Variants in PRDM14 observed in about 807,000 individuals in gnomAD.
The protein encoded by PRDM14 is PR/SET domain 14, also known as PR domain zinc finger protein 14.
In PRDM14, 16 loss-of-function variants were observed where a neutral mutation model predicts 48.0. The ratio of observed to expected loss-of-function variants is 0.33; its 90% CI spans 0.23 to 0.51. The LOEUF (loss-of-function observed/expected upper bound fraction) is 0.51, where lower values mean the gene tolerates loss of function less well. Among genes scored for constraint, PRDM14 ranks in the 20% least tolerant of loss-of-function variants. The pLI is 0.97. For missense variants in PRDM14, 566 were observed against 719.6 expected, an observed-to-expected ratio of 0.79 and a Z score of 2.44; for synonymous variants, 264 against 276.6, an observed-to-expected ratio of 0.95 and a Z score of 0.45.
At chr8:70,064,240 A>G (rs1420407943) in intron 5 of PRDM14, among the ~76,000 whole-genome samples, 1 of 152,048 alleles carries the variant, frequency 6.6e-6, no homozygotes, top group South Asian at 2.1e-4. Context: ...ATTATTTATC[A>G]TTAGATAAAT....
Position 70,069,236 on chromosome 8 carries a change from C to T in PRDM14, c.625G>A (p.Val209Ile), listed in dbSNP as rs766778802. The T allele has an allele frequency of 6.3e-7, 1 of 1,597,046 alleles. No homozygotes were observed. Among genetic ancestry groups the T allele is most frequent in the South Asian group, 1.1e-5 (1 of 87,060 alleles). The change falls in exon 2 of 8, where the codon GTC becomes ATC. Residue 209 changes from valine (V) to isoleucine (I), a missense_variant. Around this residue, in one of 3 missense-constraint regions of PRDM14, gnomAD observed 410 missense variants for 424.6 expected, o/e 0.97. Transcript: ENST00000276594. ...GCTGGGTGCTCCAGGCTGGGAGTGA[C>T]CCCGTACAGAACGAAGTGCAGGTCC... ...EEDLHFVLYG[V>I]TPSLEHPASL...
At chr8:70,070,782 G>C (rs752071724) in intron 1 of PRDM14, among the ~76,000 whole-genome samples, 9 of 152,212 alleles carry the variant, frequency 5.9e-5, no homozygotes, top group Non-Finnish European at 1.2e-4. Flanking sequence ...GGAAAGGATG[G>C]CGTTTTAATA....
At chr8:70,066,672 C>G (rs566667714) in intron 4 of PRDM14, among the ~76,000 whole-genome samples, 167 bp from the exon 5 acceptor site, 2 of 152,062 alleles carry the variant, frequency 1.3e-5, no homozygotes, top group African/African-American at 4.8e-5. Flanking sequence ...TTTACTTATG[C>G]CAACATAGAT....
At chr8:70,066,842 T>C (rs144703168) in intron 4 of PRDM14, among the ~76,000 whole-genome samples, 2,046 of 152,176 alleles carry the variant, frequency 0.013, 54 homozygotes, top group African/African-American at 0.045. Context: ...CCTCCCACCT[T>C]AGCCCCCTGA....
At position 70,051,767 on chromosome 8, in the gene PRDM14, T is replaced by G; in HGVS notation, c.*310A>C. ...TCTCCACACTCTTGAGGGCTACTCA[T>G]TTTTTTTGTTTTGTTTTGTTTTGAG... is the stretch of plus-strand genomic sequence containing the variant. On this transcript the variant is annotated 3_prime_UTR_variant, in exon 8 of 8. Coordinates refer to ENST00000276594, the MANE Select transcript of PRDM14 (RefSeq NM_024504.4). The G allele has an allele frequency of 7.3e-6, 1 of 137,114 alleles. No individual in the cohort carries two copies. Among genetic ancestry groups the G allele is most frequent in the Non-Finnish European group, 1.3e-5 (1 of 78,244 alleles). The allele number at this position is 137,114 out of a possible 1,614,324, so 8.5% of individuals were successfully genotyped here.
intron 5 of PRDM14, 42 bp from the exon 6 acceptor site, chr8:70,058,884 C>T: frequency 3.5e-6 from 5 of 1,438,562 alleles, no homozygotes; most frequent in Non-Finnish European, 4.9e-6. Context: ...AGTTACTTCC[C>T]TCCCTAGTTC....
intron 5 of PRDM14, 50 bp downstream of exon 5, chr8:70,066,185 G>T: frequency 6.3e-7 from 1 of 1,583,636 alleles, no homozygotes. Context: ...AAAGAGCCCA[G>T]TCCTTCTACT....
At chr8:70,056,624 G>A (rs1201730799) in intron 6 of PRDM14, among the ~76,000 whole-genome samples, 4 of 151,834 alleles carry the variant, frequency 2.6e-5, no homozygotes, top group Non-Finnish European at 5.9e-5. Context: ...TGGGACCACA[G>A]GTGCGCACCA....
intron 4 of PRDM14, 60 bp from the exon 5 acceptor site, chr8:70,066,565 T>C: frequency 7.3e-7 from 1 of 1,363,676 alleles, no homozygotes; most frequent in East Asian, 2.3e-5. Context: ...ATCTATAAAA[T>C]AAATTTTTTA....
At chr8:70,057,394 G>A (rs1228339554) in intron 6 of PRDM14, among the ~76,000 whole-genome samples, 7 of 149,128 alleles carry the variant, frequency 4.7e-5, no homozygotes, top group Non-Finnish European at 1.0e-4. Context: ...CAATGACACA[G>A]TCTCGGCTCA....
chr8:70,056,629 G>A (rs574909407), intron 6 of PRDM14, among the ~76,000 whole-genome samples: 7 of 151,290 alleles, frequency 4.6e-5, no homozygotes, highest in Admixed American at 2.0e-4. Context: ...CCACAGGTGC[G>A]CACCACATGC....
intron 4 of PRDM14, among the ~76,000 whole-genome samples, chr8:70,067,313 G>T (rs1446126481): frequency 6.6e-6 from 1 of 152,152 alleles, no homozygotes; most frequent in Non-Finnish European, 1.5e-5. Context: ...GAGGTCAGGA[G>T]TTCGAGACCA....
At chr8:70,055,159 T>G in intron 7 of PRDM14, 141 bp downstream of exon 7, 1 of 508,236 alleles carries the variant, frequency 2.0e-6, no homozygotes. Flanking sequence ...TTGAGCATAT[T>G]TAGGGGTGGA....
At chr8:70,070,474 G>C (rs1805748435) in intron 1 of PRDM14, among the ~76,000 whole-genome samples, 1 of 152,166 alleles carries the variant, frequency 6.6e-6, no homozygotes, top group Non-Finnish European at 1.5e-5. Flanking sequence ...CCCCCGGGCA[G>C]GTCCAGGGAC....
At chr8:70,068,997 G>A (rs1285082640) in intron 2 of PRDM14, among the ~76,000 whole-genome samples, 164 bp downstream of exon 2, 1 of 152,186 alleles carries the variant, frequency 6.6e-6, no homozygotes, top group Non-Finnish European at 1.5e-5. Context: ...AGCAAGCAGG[G>A]CCTCAGAAGT....
intron 6 of PRDM14, among the ~76,000 whole-genome samples, chr8:70,055,902 G>A (rs1805465419): frequency 6.6e-6 from 1 of 152,178 alleles, no homozygotes; most frequent in South Asian, 2.1e-4. Flanking sequence ...AGGTAGCTGT[G>A]TGACTACAGA....
At chr8:70,069,960 TC>T in intron 1 of PRDM14, 76 bp from the exon 2 acceptor site, 4 of 822,838 alleles carry the variant, frequency 4.9e-6, no homozygotes, top group Non-Finnish European at 7.5e-6. Context: ...CCCACCAGCC[TC>T]CTCCACCCCA....
chr8:70,068,024 A>G (rs1320370783), intron 4 of PRDM14, among the ~76,000 whole-genome samples: 1 of 152,242 alleles, frequency 6.6e-6, no homozygotes, highest in East Asian at 1.9e-4. Flanking sequence ...AGGCACCCAC[A>G]AAACACAGAA....
rs776490147 is a variant in PRDM14 at position 70,069,548 on chromosome 8, G to T, written c.313C>A (p.Pro105Thr). 9.3e-6 allele frequency: 15 copies of T among 1,609,112 alleles called. No homozygotes were observed. The East Asian group carries it at 3.1e-4, about 34-fold the overall frequency. ...YSKLPPWYPI[P>T]HVPREVPPFL... ...GGCGGCACTTCCCTGGGGACGTGGG[G>T]AATTGGGTACCACGGTGGCAGCTTG... The change falls in exon 2 of 8, where the codon CCC becomes ACC. Residue 105 changes from proline (P) to threonine (T), a missense_variant. Pro to Thr is a conservative substitution (Grantham distance 38). Transcript: ENST00000276594.
Sources: gnomAD v4.1 joint callset for allele counts (sites outside exome capture counted in the v4.1 genomes callset) on GRCh38, gnomAD v4.1.1 for gene constraint, gnomAD v4.1.1 regional missense constraint, MANE v1.5 for transcripts, NCBI Gene and HGNC (gene_info 2026-07-23, HGNC 2026-07-21) for gene names.